The following ABCC10 variants were observed in gnomAD, a reference collection of about 807,000 sequenced individuals.
The protein encoded by ABCC10 is ATP-binding cassette sub-family C member 10.
ABCC10 carries 110 observed loss-of-function variants against 143.2 expected under a neutral mutation model. The ratio of observed to expected loss-of-function variants is 0.77; its 90% CI spans 0.66 to 0.90. The LOEUF is 0.90. ABCC10 is among the 40% of genes least tolerant of loss of function. The pLI is 0.00. For missense variants in ABCC10, 1,700 were observed against 1,900.5 expected, an observed-to-expected ratio of 0.89 and a Z score of 1.96; for synonymous variants, 805 against 846.7, an observed-to-expected ratio of 0.95 and a Z score of 0.85.
At chr6:43,431,289 G>A (rs1409048336) in intron 2 of ABCC10, among the ~76,000 whole-genome samples, 1 of 152,188 alleles carries the variant, frequency 6.6e-6, no homozygotes, top group Non-Finnish European at 1.5e-5. Flanking sequence ...GTGAATTTAA[G>A]GGTACTGTTA....
At chr6:43,440,252 C>T (rs959829800) in intron 8 of ABCC10, among the ~76,000 whole-genome samples, 6 of 152,186 alleles carry the variant, frequency 3.9e-5, no homozygotes, top group East Asian at 3.9e-4. Flanking sequence ...CCACTGTGCC[C>T]GGCCCAGCTT....
intron 7 of ABCC10, 80 bp downstream of exon 7, chr6:43,438,093 T>C: frequency 6.8e-7 from 1 of 1,466,726 alleles, no homozygotes; most frequent in Non-Finnish European, 9.4e-7. Context: ...TGGACACCTT[T>C]TGGGGGTCAG....
In ABCC10 at chr6:43,448,933, C is replaced by T. The variant is rs199697720; in HGVS notation, c.4012C>T (p.Arg1338Trp). 73 of 1,614,024 alleles carry T rather than the reference C, an allele frequency of 4.5e-5. No individual in the cohort carries two copies. The highest frequency in any genetic ancestry group is 6.0e-5 in the Non-Finnish European group (71 of 1,180,006). ...GCCCTTTTTGTTCAGTGGGACTGTT[C>T]GGGAAAACCTGGACCCCCAGGGCCT... is the stretch of plus-strand genomic sequence containing the variant. ...QEPFLFSGTV[R>W]ENLDPQGLHK... is the part of the protein sequence containing the mutation. Residue 1338 changes from arginine to tryptophan, a missense_variant, in exon 19 of 22, where the codon CGG becomes TGG. Coordinates refer to ENST00000372530, the MANE Select transcript of ABCC10 (RefSeq NM_001198934.2).
chr6:43,450,973 T>C, downstream of ABCC10: 2 of 1,614,178 alleles, frequency 1.2e-6, no homozygotes, highest in Admixed American at 1.7e-5. The surrounding 1 kb of genome is among the most constrained non-coding windows in gnomAD (Gnocchi z 4.5). Flanking sequence ...CCATAGCCAC[T>C]GGGGCAGAGG....
chr6:43,445,052 G>A, intron 13 of ABCC10, 73 bp from the exon 14 acceptor site: 2 of 1,590,630 alleles, frequency 1.3e-6, no homozygotes, highest in Non-Finnish European at 1.7e-6. Context: ...TGGGAGAGAT[G>A]GCATGGGGGA....
Position 43,433,333 on chromosome 6 carries a change from G to A in ABCC10, c.1353G>A (p.Met451Ile), listed in dbSNP as rs367899886. The A allele has an allele frequency of 1.4e-5, 23 of 1,613,600 alleles. No homozygotes were observed. The highest frequency in any genetic ancestry group is 1.7e-5 in the Admixed American group (1 of 59,974). Residue 451 changes from methionine to isoleucine, a missense_variant, in exon 3 of 22, where the codon ATG becomes ATA. By Grantham distance (10) the Met-to-Ile change is conservative. Coordinates refer to ENST00000372530, the MANE Select transcript of ABCC10 (RefSeq NM_001198934.2). ...ATRIMASNQE[M>I]LQHKDARVKL... ...GCATCATGGCCAGCAACCAGGAAAT[G>A]CTACAGCACAAGGATGCGCGGGTTA... is the stretch of plus-strand genomic sequence containing the variant.
intron 2 of ABCC10, 26 bp downstream of exon 2, chr6:43,428,165 CTGTCCA>C: frequency 6.6e-7 from 1 of 1,508,212 alleles, no homozygotes; most frequent in Non-Finnish European, 8.9e-7. Context: ...CGCAAGGCAT[CTGTCCA>C]TGTGTGCCTG....
chr6:43,438,377 G>A, intron 7 of ABCC10: 1 of 1,419,950 alleles, frequency 7.0e-7, no homozygotes, highest in Non-Finnish European at 9.2e-7. Context: ...TCTCCACTGA[G>A]CTCCTGAACA....
chr6:43,432,433 G>T lies in ABCC10; in HGVS notation c.453G>T (p.Val151=). 4 of 1,611,938 alleles carry T rather than the reference G, an allele frequency of 2.5e-6. No homozygotes were observed. The highest frequency in any genetic ancestry group is 2.5e-6 in the Non-Finnish European group (3 of 1,180,026). Residue 151 remains valine (V), a synonymous_variant, in exon 3 of 22, where the codon GTG becomes GTT. Coordinates refer to ENST00000372530, the MANE Select transcript of ABCC10 (RefSeq NM_001198934.2). ...LLPAPALVLT[V]LWHCQRGTLL... ...CAGCTCCAGCCCTAGTGCTGACCGTGTTGTGGCATTGCCAGCGAGGCACAC... is the reference window on the plus strand; with the variant it reads ...CAGCTCCAGCCCTAGTGCTGACCGTTTTGTGGCATTGCCAGCGAGGCACAC...
chr6:43,432,324 A>C lies in ABCC10; in HGVS notation c.344A>C (p.His115Pro). 1 of 1,614,088 alleles carries C rather than the reference A, an allele frequency of 6.2e-7. No individual in the cohort carries two copies. Among genetic ancestry groups the C allele is most frequent in the Non-Finnish European group, 8.5e-7 (1 of 1,180,022 alleles). Reference protein sequence around the residue: ...GCVAAVAWISHSLALWVLAHS... With the variant: ...GCVAAVAWISPSLALWVLAHS... ...GTGGCAGCTGTGGCCTGGATCAGCC[A>C]CAGCCTGGCCCTGTGGGTGTTGGCA... is the stretch of plus-strand genomic sequence containing the variant. Residue 115 changes from histidine to proline, a missense_variant, in exon 3 of 22, where the codon CAC (histidine) becomes CCC (proline). His to Pro is a moderately conservative substitution (Grantham distance 77). Coordinates refer to ENST00000372530, the MANE Select transcript of ABCC10 (RefSeq NM_001198934.2).
At chr6:43,436,801 C>T (rs981910754) in intron 6 of ABCC10, among the ~76,000 whole-genome samples, 1 of 152,214 alleles carries the variant, frequency 6.6e-6, no homozygotes, top group East Asian at 1.9e-4. Flanking sequence ...CAGCTCAACC[C>T]GGCATTCTCT....
chr6:43,451,987 G>A (rs759269315), downstream of ABCC10: 15 of 1,614,206 alleles, frequency 9.3e-6, no homozygotes, highest in East Asian at 3.3e-4. The surrounding 1 kb of genome is among the most constrained non-coding windows in gnomAD (Gnocchi z 4.4). Context: ...CACGCCCATG[G>A]AAGCCTGGTA....
Position 43,444,048 on chromosome 6 carries a change from C to T in ABCC10, c.2494+38C>T, listed in dbSNP as rs1199005044. The T allele has an allele frequency of 2.5e-6, 4 of 1,608,840 alleles. No individual in the cohort carries two copies. The Admixed American group carries it at 6.7e-5, about 27-fold the overall frequency. On this transcript the variant is annotated intron_variant, in intron 11 of 21. Coordinates refer to ENST00000372530, the MANE Select transcript of ABCC10 (RefSeq NM_001198934.2). ...AGTGGGAGAAAAGGGCTTGCTTTTC[C>T]CTGCCACACTGTAGAGCTTTTTCTA...
At chr6:43,439,716 T>C (rs564525916) in intron 8 of ABCC10, among the ~76,000 whole-genome samples, 2 of 152,224 alleles carry the variant, frequency 1.3e-5, no homozygotes, top group South Asian at 2.1e-4. Context: ...CTCGAGTAGC[T>C]GGGACTACAG....
chr6:43,429,511 C>T (rs1250974253), intron 2 of ABCC10, among the ~76,000 whole-genome samples: 2 of 151,820 alleles, frequency 1.3e-5, no homozygotes, highest in African/African-American at 4.8e-5. Context: ...CAGTTCACTG[C>T]AGCCTCAACC....
intron 14 of ABCC10, 67 bp from the exon 15 acceptor site, chr6:43,445,532 C>G: frequency 6.6e-7 from 1 of 1,514,928 alleles, no homozygotes; most frequent in Non-Finnish European, 9.1e-7. Context: ...CCCACCTCCC[C>G]CAGTGCTGCC....
chr6:43,441,910 C>G lies in ABCC10; in HGVS notation c.2176C>G (p.Leu726Val). ...QTEVGEKGVTLSGGQRARIAL... is the reference protein window; with the variant it reads ...QTEVGEKGVTVSGGQRARIAL... ...AGAGGTGGGGGAGAAGGGTGTCACC[C>G]TTAGCGGAGGACAGCGTGCCCGGAT... Residue 726 changes from leucine (L) to valine (V), a missense_variant, in exon 9 of 22, where the codon CTT (leucine) becomes GTT (valine). Leu to Val is a conservative substitution (Grantham distance 32). Coordinates refer to ENST00000372530, the MANE Select transcript of ABCC10 (RefSeq NM_001198934.2). 6.2e-7 allele frequency: 1 copy of G among 1,613,944 alleles called. No homozygotes were observed. Among genetic ancestry groups the G allele is most frequent in the South Asian group, 1.1e-5 (1 of 91,062 alleles).
chr6:43,438,493 C>T, intron 7 of ABCC10, 131 bp from the exon 8 acceptor site: 1 of 1,452,312 alleles, frequency 6.9e-7, no homozygotes, highest in African/African-American at 1.4e-5. Context: ...GCTGCCATCT[C>T]AGTCATGTGA....
chr6:43,445,695 C>T lies in ABCC10; in HGVS notation c.3127C>T (p.Leu1043Phe), dbSNP rs765893469. The T allele has an allele frequency of 1.2e-5, 19 of 1,614,114 alleles. No individual in the cohort carries two copies. Among genetic ancestry groups the T allele is most frequent in the Admixed American group, 6.7e-5 (4 of 60,004 alleles). Residue 1043 changes from leucine (L) to phenylalanine (F), a missense_variant, in exon 15 of 22, where the codon CTC (leucine) becomes TTC (phenylalanine). Transcript: ENST00000372530. The part of the protein sequence containing the change: ...ACADDSLPFI[L>F]NILLANAAGL... ...TGCGGATGACAGCCTGCCCTTCATC[C>T]TCAACATCCTCCTGGCCAACGCGGC...
Sources: gnomAD v4.1 joint callset for allele counts (sites outside exome capture counted in the v4.1 genomes callset) on GRCh38, gnomAD v4.1.1 for gene constraint, Gnocchi (gnomAD v3.1) non-coding constraint, MANE v1.5 for transcripts, NCBI Gene and HGNC (gene_info 2026-07-23, HGNC 2026-07-21) for gene names.